The following VWA8 variants were observed in gnomAD, a reference collection of about 807,000 sequenced individuals.
VWA8 encodes von Willebrand factor A domain-containing protein 8.
Under a neutral mutation model 241.5 loss-of-function variants are expected in VWA8, and 221 were observed. The ratio of observed to expected loss-of-function variants is 0.91; its 90% CI spans 0.82 to 1.02. The LOEUF (loss-of-function observed/expected upper bound fraction) is 1.02, where lower values mean the gene tolerates loss of function less well. VWA8 is among the 50% of genes least tolerant of loss of function. The pLI is 0.00. For missense variants in VWA8, 2,322 were observed against 2,328.7 expected (o/e 1.00, Z 0.06); for synonymous variants, 852 against 827.1 (o/e 1.03, Z -0.52).
chr13:41,571,613 G>A (rs953321095), intron 43 of VWA8, among the ~76,000 whole-genome samples: 1 of 152,158 alleles, frequency 6.6e-6, no homozygotes, highest in African/African-American at 2.4e-5. Flanking sequence ...GCCTCCCGAG[G>A]TGCCGGGATT....
intron 18 of VWA8, among the ~76,000 whole-genome samples, chr13:41,784,699 T>TATACATATACATATAC (rs199691495): frequency 2.7e-5 from 1 of 37,196 alleles, no homozygotes; most frequent in Non-Finnish European, 6.3e-5. Flanking sequence ...TACATATACA[T>TATACATATACATATAC]ATATATATAT....
intron 20 of VWA8, among the ~76,000 whole-genome samples, chr13:41,776,205 A>G (rs1376543522): frequency 3.3e-5 from 5 of 152,198 alleles, no homozygotes; most frequent in Non-Finnish European, 7.3e-5. Context: ...GGATGCCAAA[A>G]GCCTCTGTGT....
intron 37 of VWA8, among the ~76,000 whole-genome samples, chr13:41,618,940 T>C (rs1006320334): frequency 3.3e-5 from 5 of 152,244 alleles, no homozygotes; most frequent in African/African-American, 1.2e-4. Context: ...TTGCTTAGCA[T>C]TGTCTTGGCA....
Position 41,570,467 on chromosome 13 carries a change from C to G in VWA8, c.5609+1G>C. 6.2e-7 allele frequency: 1 copy of G among 1,613,326 alleles called. No individual in the cohort carries two copies. On this transcript the variant is annotated splice_donor_variant, in intron 44 of 44. Transcript: ENST00000379310. LOFTEE classifies it high-confidence loss of function. ...TTTCTGTATGCTCAGATGACACTTA[C>G]CTGGTTGCTTGATCACCTAAAGAGC...
chr13:41,701,255 A>C, intron 28 of VWA8, 137 bp downstream of exon 28: 1 of 1,095,236 alleles, frequency 9.1e-7, no homozygotes, highest in African/African-American at 1.6e-5. Context: ...GTTCTAAATT[A>C]CATATAATTG....
intron 37 of VWA8, among the ~76,000 whole-genome samples, chr13:41,619,752 G>C (rs1258567343): frequency 6.6e-6 from 1 of 152,144 alleles, no homozygotes; most frequent in Non-Finnish European, 1.5e-5. Context: ...CTTTGGTTCT[G>C]TTTATGTGAT....
chr13:41,759,020 G>A (rs952321575), intron 21 of VWA8, among the ~76,000 whole-genome samples: 2 of 151,414 alleles, frequency 1.3e-5, no homozygotes, highest in Non-Finnish European at 1.5e-5. Context: ...CCTTGGTTAT[G>A]ACATATTATT....
At chr13:41,587,840 T>G (rs1283689480) in intron 41 of VWA8, among the ~76,000 whole-genome samples, 170 bp from the exon 42 acceptor site, 2 of 152,226 alleles carry the variant, frequency 1.3e-5, no homozygotes, top group African/African-American at 4.8e-5. Flanking sequence ...ATCTATGGGT[T>G]GTACTGCAGT....
chr13:41,669,895 T>A (rs1369744483), intron 37 of VWA8, among the ~76,000 whole-genome samples: 1 of 152,170 alleles, frequency 6.6e-6, no homozygotes, highest in Admixed American at 6.5e-5. Flanking sequence ...CATGTTTATT[T>A]TAGAGTCACA....
intron 17 of VWA8, among the ~76,000 whole-genome samples, chr13:41,809,405 T>C (rs958943754): frequency 3.9e-5 from 6 of 151,930 alleles, no homozygotes; most frequent in Admixed American, 6.6e-5. Context: ...GCATAACAGA[T>C]ACATAGACCA....
At chr13:41,748,329 G>C (rs2045626225) in intron 21 of VWA8, among the ~76,000 whole-genome samples, 1 of 152,132 alleles carries the variant, frequency 6.6e-6, no homozygotes, top group Non-Finnish European at 1.5e-5. Flanking sequence ...AGTCTTGGGA[G>C]GGTGTATGTG....
chr13:41,616,458 T>A (rs780122116), intron 37 of VWA8, among the ~76,000 whole-genome samples: 1 of 152,160 alleles, frequency 6.6e-6, no homozygotes, highest in African/African-American at 2.4e-5. Flanking sequence ...TTTTTCCTCC[T>A]GTTTTCTTAA....
chr13:41,915,599 G>A (rs1224603646), intron 2 of VWA8, among the ~76,000 whole-genome samples: 4 of 152,168 alleles, frequency 2.6e-5, no homozygotes, highest in African/African-American at 9.7e-5. Flanking sequence ...CCACTAATGA[G>A]TTTGTCACAA....
chr13:41,663,752 G>C (rs2044967787), intron 37 of VWA8, among the ~76,000 whole-genome samples: 1 of 151,414 alleles, frequency 6.6e-6, no homozygotes, highest in Non-Finnish European at 1.5e-5. Flanking sequence ...TTACTATACA[G>C]TCCCCGACTT....
intron 12 of VWA8, among the ~76,000 whole-genome samples, chr13:41,861,198 G>A (rs902443556): frequency 6.6e-6 from 1 of 152,002 alleles, no homozygotes; most frequent in African/African-American, 2.4e-5. Context: ...GTGACAGTGC[G>A]AGACTCCATC....
At chr13:41,803,455 G>T (rs1253374608) in intron 17 of VWA8, among the ~76,000 whole-genome samples, 1 of 152,214 alleles carries the variant, frequency 6.6e-6, no homozygotes, top group South Asian at 2.1e-4. Flanking sequence ...TGGACTCACA[G>T]TTCCATGTGG....
chr13:41,579,802 G>T (rs1471313553), intron 42 of VWA8, among the ~76,000 whole-genome samples: 1 of 152,174 alleles, frequency 6.6e-6, no homozygotes, highest in Non-Finnish European at 1.5e-5. Flanking sequence ...AAGGGTGTTG[G>T]TTAAACCCCA....
At chr13:41,945,798 T>C (rs1877823289) in intron 2 of VWA8, among the ~76,000 whole-genome samples, 1 of 151,966 alleles carries the variant, frequency 6.6e-6, no homozygotes, top group Non-Finnish European at 1.5e-5. Context: ...ATCTATCAAA[T>C]ATAATGGGAG....
chr13:41,641,085 A>G (rs2044792571), intron 37 of VWA8, among the ~76,000 whole-genome samples: 1 of 152,196 alleles, frequency 6.6e-6, no homozygotes, highest in African/African-American at 2.4e-5. Context: ...CACACATTCT[A>G]TTCTAAATTA....
Sources: gnomAD v4.1 joint callset for allele counts (sites outside exome capture counted in the v4.1 genomes callset) on GRCh38, gnomAD v4.1.1 for gene constraint, MANE v1.5 for transcripts, NCBI Gene and HGNC (gene_info 2026-07-23, HGNC 2026-07-21) for gene names.